The following LRRC4C variants were observed in gnomAD, a reference collection of about 807,000 sequenced individuals.
The protein encoded by LRRC4C is leucine rich repeat containing 4C.
In LRRC4C, 5 loss-of-function variants were observed where a neutral mutation model predicts 33.6. That is an observed-to-expected ratio of 0.15 (90% CI 0.08 to 0.31). The LOEUF (loss-of-function observed/expected upper bound fraction) is 0.31. Ranked by LOEUF, LRRC4C falls within the 10% of genes least tolerant of loss-of-function variation. LRRC4C has a pLI of 1.00. For missense variants in LRRC4C, 560 were observed against 796.7 expected, an observed-to-expected ratio of 0.70 and a Z score of 3.58; for synonymous variants, 329 against 302.0, an observed-to-expected ratio of 1.09 and a Z score of -0.93.
intron 1 of LRRC4C, among the ~76,000 whole-genome samples, chr11:41,362,657 T>A (rs892109649): frequency 6.6e-6 from 1 of 152,176 alleles, no homozygotes; most frequent in East Asian, 1.9e-4. Flanking sequence ...TCTTTTACAG[T>A]CTAGAGGTCA....
At chr11:40,745,631 C>T (rs1450197453) in intron 2 of LRRC4C, among the ~76,000 whole-genome samples, 1 of 151,828 alleles carries the variant, frequency 6.6e-6, no homozygotes, top group Admixed American at 6.6e-5. Context: ...ATATTTTTTG[C>T]TAAATTTTTT....
At chr11:40,543,692 TGCAAGTATAA>T (rs1956809697) in intron 3 of LRRC4C, among the ~76,000 whole-genome samples, 1 of 151,996 alleles carries the variant, frequency 6.6e-6, no homozygotes, top group Non-Finnish European at 1.5e-5. Context: ...CCAAAGTGAT[TGCAAGTATAA>T]GCAAGGGAGA....
intron 2 of LRRC4C, among the ~76,000 whole-genome samples, chr11:40,869,258 C>A (rs1321035619): frequency 6.6e-6 from 1 of 152,086 alleles, no homozygotes; most frequent in Non-Finnish European, 1.5e-5. Flanking sequence ...AAATCTCAAT[C>A]AGCTTTCAAG....
chr11:40,675,245 C>T (rs1011710313), intron 2 of LRRC4C, among the ~76,000 whole-genome samples: 3 of 152,022 alleles, frequency 2.0e-5, no homozygotes, highest in Non-Finnish European at 2.9e-5. Context: ...AGTGTATCTA[C>T]TTAAGCATTT....
At chr11:40,796,236 G>A (rs1230469607) in intron 2 of LRRC4C, among the ~76,000 whole-genome samples, 2 of 152,154 alleles carry the variant, frequency 1.3e-5, no homozygotes, top group African/African-American at 2.4e-5. Context: ...ATAGTAAGGG[G>A]ATGGAACAAA....
rs539885279 is a variant in LRRC4C at position 41,172,081 on chromosome 11, T to C, written c.-495-238358A>G. ...CAAGATAGGAGCAAGTGTGATTATT[T>C]TGAGATGACTCAAATTAGCCTAGAG... On this transcript the variant is annotated intron_variant, in intron 1 of 6. Transcript: ENST00000528697. Among the ~76,000 whole-genome samples the C allele has an allele frequency of 2.6e-5, 4 of 152,206 alleles. No individual in the cohort carries two copies. In the South Asian group the frequency reaches 8.3e-4, roughly 32 times the overall value.
At chr11:41,351,530 A>C (rs1951984455) in intron 1 of LRRC4C, among the ~76,000 whole-genome samples, 1 of 152,068 alleles carries the variant, frequency 6.6e-6, no homozygotes, top group Non-Finnish European at 1.5e-5. Context: ...CCATCCCCAA[A>C]ACACATAGTC....
intron 3 of LRRC4C, among the ~76,000 whole-genome samples, chr11:40,510,099 T>G (rs983732015): frequency 3.9e-5 from 6 of 151,922 alleles, no homozygotes; most frequent in Non-Finnish European, 8.8e-5. Context: ...TTTTACATTT[T>G]AATTACTTAC....
chr11:40,373,664 C>T (rs1948548791), intron 3 of LRRC4C, among the ~76,000 whole-genome samples: 3 of 152,222 alleles, frequency 2.0e-5, no homozygotes, highest in Non-Finnish European at 4.4e-5. Flanking sequence ...GGTGGCGGCT[C>T]ACTCATGAAC....
intron 2 of LRRC4C, among the ~76,000 whole-genome samples, chr11:40,908,564 G>A (rs7111330): frequency 0.057 from 8,733 of 152,064 alleles, 812 homozygotes; most frequent in African/African-American, 0.19. Context: ...AAAAACCTCC[G>A]AAGAAGGTTC....
chr11:40,429,219 A>T (rs1950822652), intron 3 of LRRC4C, among the ~76,000 whole-genome samples: 1 of 152,138 alleles, frequency 6.6e-6, no homozygotes, highest in African/African-American at 2.4e-5. Flanking sequence ...GATTACAGGC[A>T]TCTGCCACCA....
chr11:40,363,970 A>C (rs1460681172), intron 3 of LRRC4C, among the ~76,000 whole-genome samples: 1 of 152,228 alleles, frequency 6.6e-6, no homozygotes, highest in East Asian at 1.9e-4. Context: ...TCATATTCGT[A>C]CATATTTTTC....
At chr11:40,936,407 G>C (rs774886154) in intron 1 of LRRC4C, among the ~76,000 whole-genome samples, 1 of 142,698 alleles carries the variant, frequency 7.0e-6, no homozygotes, top group East Asian at 2.1e-4. Context: ...GCGCGATCTC[G>C]GCTCACTGCA....
intron 5 of LRRC4C, among the ~76,000 whole-genome samples, chr11:40,203,635 T>C (rs1180049967): frequency 1.3e-5 from 2 of 152,162 alleles, no homozygotes; most frequent in Non-Finnish European, 2.9e-5. Context: ...AATCCCTGAA[T>C]TCTACAAACA....
chr11:40,849,295 C>T (rs1479873773), intron 2 of LRRC4C, among the ~76,000 whole-genome samples: 2 of 152,174 alleles, frequency 1.3e-5, no homozygotes, highest in Non-Finnish European at 2.9e-5. Flanking sequence ...TTCCTTTCCA[C>T]ATTTAGTGCT....
At chr11:40,881,934 C>A (rs1955197858) in intron 2 of LRRC4C, among the ~76,000 whole-genome samples, 1 of 152,032 alleles carries the variant, frequency 6.6e-6, no homozygotes, top group South Asian at 2.1e-4. Context: ...CAAGAATCCC[C>A]TGCTTCCAGT....
At chr11:40,382,531 T>C (rs1342136723) in intron 3 of LRRC4C, among the ~76,000 whole-genome samples, 1 of 150,140 alleles carries the variant, frequency 6.7e-6, no homozygotes, top group East Asian at 1.9e-4. Context: ...TCTTTATTTA[T>C]TATTATTTTA....
chr11:40,940,736 C>T (rs1274626080), intron 1 of LRRC4C, among the ~76,000 whole-genome samples: 1 of 152,080 alleles, frequency 6.6e-6, no homozygotes, highest in Non-Finnish European at 1.5e-5. Context: ...TTCTCTGATA[C>T]TCAAACTTTA....
chr11:40,435,859 A>T (rs372088716), intron 3 of LRRC4C, among the ~76,000 whole-genome samples: 5 of 152,192 alleles, frequency 3.3e-5, no homozygotes, highest in South Asian at 4.1e-4. Flanking sequence ...TGGAAAAAAC[A>T]TCCATGAATA....
Sources: gnomAD v4.1 joint callset for allele counts (sites outside exome capture counted in the v4.1 genomes callset) on GRCh38, gnomAD v4.1.1 for gene constraint, MANE v1.5 for transcripts, NCBI Gene and HGNC (gene_info 2026-07-23, HGNC 2026-07-21) for gene names.